GNAQ: variants seen among roughly 807,000 people sequenced by gnomAD.
GNAQ encodes guanine nucleotide-binding protein G(q) subunit alpha.
Under a neutral mutation model 43.9 loss-of-function variants are expected in GNAQ, and 8 were observed. That is an observed-to-expected ratio of 0.18 (90% confidence interval 0.11 to 0.33). The LOEUF (loss-of-function observed/expected upper bound fraction) is 0.33, where lower values mean the gene tolerates loss of function less well. Among genes scored for constraint, GNAQ ranks in the 10% least tolerant of loss-of-function variants. GNAQ has a pLI of 1.00. For missense variants in GNAQ, 158 were observed against 450.8 expected, an observed-to-expected ratio of 0.35 and a Z score of 5.88; for synonymous variants, 155 against 170.7, an observed-to-expected ratio of 0.91 and a Z score of 0.71.
intron 5 of GNAQ, among the ~76,000 whole-genome samples, chr9:77,754,922 C>T (rs1825876421): frequency 6.6e-6 from 1 of 152,182 alleles, no homozygotes; most frequent in South Asian, 2.1e-4. Context: ...AAAAAGATAT[C>T]TTCACTTCCA....
At chr9:77,940,693 C>T (rs1406376213) in intron 1 of GNAQ, among the ~76,000 whole-genome samples, 2 of 152,162 alleles carry the variant, frequency 1.3e-5, no homozygotes, top group Non-Finnish European at 2.9e-5. Context: ...GTCGGCTGCG[C>T]GCGGTGGCTC....
At chr9:77,811,800 T>C (rs555682392) in intron 3 of GNAQ, among the ~76,000 whole-genome samples, 2 of 152,312 alleles carry the variant, frequency 1.3e-5, no homozygotes, top group South Asian at 4.1e-4. Flanking sequence ...CACTGATGTA[T>C]AGGTGGTGCC....
intron 1 of GNAQ, among the ~76,000 whole-genome samples, chr9:78,025,703 C>G (rs1311816042): frequency 6.6e-6 from 1 of 152,196 alleles, no homozygotes; most frequent in South Asian, 2.1e-4. Context: ...GCTTCTGTCT[C>G]TTCCAAGATG....
At chr9:78,014,191 A>C in intron 1 of GNAQ, among the ~76,000 whole-genome samples, 1 of 152,226 alleles carries the variant, frequency 6.6e-6, no homozygotes, top group East Asian at 1.9e-4. Flanking sequence ...GAATAGGGGT[A>C]GCTGCAAGAA....
At chr9:77,955,469 G>A (rs1479653287) in intron 1 of GNAQ, among the ~76,000 whole-genome samples, 1 of 152,150 alleles carries the variant, frequency 6.6e-6, no homozygotes, top group Non-Finnish European at 1.5e-5. Context: ...GTGAAATCAT[G>A]AAAGAAAATA....
chr9:77,768,743 C>A (rs1043672840), intron 5 of GNAQ, among the ~76,000 whole-genome samples: 2 of 152,142 alleles, frequency 1.3e-5, no homozygotes, highest in African/African-American at 4.8e-5. Flanking sequence ...CCTAAAGCAA[C>A]CTGGTGGATT....
intron 1 of GNAQ, among the ~76,000 whole-genome samples, chr9:78,015,208 G>A (rs1324732206): frequency 1.3e-5 from 2 of 152,148 alleles, no homozygotes; most frequent in South Asian, 2.1e-4. Context: ...AGCCCGCAGC[G>A]TTCAGTACAA....
In GNAQ at chr9:77,726,878, A is replaced by T. The variant is rs113908856; in HGVS notation, c.889+1636T>A. On this transcript the variant is annotated intron_variant, in intron 6 of 6. Coordinates refer to ENST00000286548, the MANE Select transcript of GNAQ (RefSeq NM_002072.5). ...TAACTATCTAGACCACGGCTTGGCA[A>T]ACTTTCTCTGTAAAGGGCCACAGAG... Among the ~76,000 whole-genome samples, 859 of 152,286 alleles carry T rather than the reference A, an allele frequency of 5.6e-3. 3 individuals carry two copies. The highest frequency in any genetic ancestry group is 0.02 in the African/African-American group (813 of 41,546).
At chr9:77,728,765 T>A (rs2118219686) in intron 5 of GNAQ, 98 bp from the exon 6 acceptor site, 1 of 806,982 alleles carries the variant, frequency 1.2e-6, no homozygotes, top group Non-Finnish European at 2.0e-6. Context: ...CCATCTTTTG[T>A]ATACGACCAG....
At chr9:77,974,889 T>C (rs1270311771) in intron 1 of GNAQ, among the ~76,000 whole-genome samples, 2 of 152,270 alleles carry the variant, frequency 1.3e-5, no homozygotes, top group Admixed American at 6.5e-5. Context: ...CTTTGTTGCA[T>C]AGCTTGAAAT....
At chr9:77,975,846 C>G (rs1823295466) in intron 1 of GNAQ, among the ~76,000 whole-genome samples, 1 of 152,112 alleles carries the variant, frequency 6.6e-6, no homozygotes, top group African/African-American at 2.4e-5. Flanking sequence ...CCGTTATCGG[C>G]CTTTTAATGG....
chr9:77,820,650 A>G (rs1399348443), intron 2 of GNAQ, among the ~76,000 whole-genome samples: 1 of 152,226 alleles, frequency 6.6e-6, no homozygotes, highest in African/African-American at 2.4e-5. Flanking sequence ...TCCTTTACTA[A>G]GCTTCCATGT....
At chr9:77,763,973 G>C (rs1321533444) in intron 5 of GNAQ, among the ~76,000 whole-genome samples, 1 of 152,204 alleles carries the variant, frequency 6.6e-6, no homozygotes, top group Non-Finnish European at 1.5e-5. Context: ...CGAAGGCTTG[G>C]ATTTTGGGGA....
chr9:78,000,445 G>A (rs1333609254), intron 1 of GNAQ, among the ~76,000 whole-genome samples: 1 of 152,150 alleles, frequency 6.6e-6, no homozygotes, highest in Non-Finnish European at 1.5e-5. Flanking sequence ...CCAGAGATGA[G>A]GGATGGTTTT....
intron 2 of GNAQ, among the ~76,000 whole-genome samples, chr9:77,851,080 C>T (rs2117923973): frequency 6.6e-6 from 1 of 152,326 alleles, no homozygotes; most frequent in East Asian, 1.9e-4. Flanking sequence ...TGTCTAATTT[C>T]ATATCCTCTC....
chr9:77,892,920 G>A (rs1355918408), intron 2 of GNAQ, among the ~76,000 whole-genome samples: 5 of 152,252 alleles, frequency 3.3e-5, no homozygotes, highest in Non-Finnish European at 5.9e-5. Context: ...AAGAAACAAT[G>A]GGTGGAATAT....
At chr9:77,927,837 T>C (rs1461515126) in intron 1 of GNAQ, among the ~76,000 whole-genome samples, 1 of 152,152 alleles carries the variant, frequency 6.6e-6, no homozygotes, top group Non-Finnish European at 1.5e-5. Context: ...TCAGGACGAA[T>C]GCCCCCACCC....
chr9:77,939,794 T>G (rs1023147257), intron 1 of GNAQ, among the ~76,000 whole-genome samples: 4 of 152,224 alleles, frequency 2.6e-5, no homozygotes, highest in Non-Finnish European at 2.9e-5. Context: ...CATAATATGT[T>G]GGGTGTTTTG....
At chr9:77,931,391 G>C (rs1475131829) in intron 1 of GNAQ, among the ~76,000 whole-genome samples, 2 of 151,980 alleles carry the variant, frequency 1.3e-5, no homozygotes, top group Non-Finnish European at 2.9e-5. Flanking sequence ...AGGAGATCGA[G>C]ACCATCCTGG....
Sources: gnomAD v4.1 joint callset for allele counts (sites outside exome capture counted in the v4.1 genomes callset) on GRCh38, gnomAD v4.1.1 for gene constraint, MANE v1.5 for transcripts, NCBI Gene and HGNC (gene_info 2026-07-23, HGNC 2026-07-21) for gene names.